Variants in MITF observed in about 807,000 individuals in gnomAD.
MITF encodes melanocyte inducing transcription factor.
MITF carries 17 observed loss-of-function variants against 60.5 expected under a neutral mutation model. The observed-to-expected ratio is 0.28, with a 90% CI of 0.19 to 0.42. The LOEUF is 0.42. MITF is among the 10% of genes least tolerant of loss of function. The probability of loss-of-function intolerance (pLI) is 1.00; values close to 1 mark genes in which losing one functional copy is unlikely to be tolerated. For synonymous variants in MITF, 260 were observed against 248.5 expected, an observed-to-expected ratio of 1.05 and a Z score of -0.43; for missense variants, 622 against 683.5, an observed-to-expected ratio of 0.91 and a Z score of 1.00.
At chr3:69,758,740 C>G (rs986502199) in intron 1 of MITF, 4 of 207,178 alleles carry the variant, frequency 1.9e-5, no homozygotes, top group Admixed American at 1.8e-4. Context: ...TGAAGTGTTT[C>G]TGGTGTGCTA....
chr3:69,743,559 G>A (rs781701303), intron 1 of MITF, among the ~76,000 whole-genome samples: 61 of 152,172 alleles, frequency 4.0e-4, no homozygotes, highest in Non-Finnish European at 7.2e-4. Context: ...TAGATTATGT[G>A]AATCTCATTT....
At position 69,761,783 on chromosome 3, in the gene MITF, C is replaced by A. The variant is rs1016893325; in HGVS notation, c.104+22082C>A. Among the ~76,000 whole-genome samples the A allele has an allele frequency of 2.0e-5, 3 of 152,218 alleles. No individual in the cohort carries two copies. The East Asian group carries it at 5.8e-4, about 29-fold the overall frequency. On this transcript the variant is annotated intron_variant, in intron 1 of 9. Coordinates refer to ENST00000352241, the MANE Select transcript of MITF (RefSeq NM_001354604.2). ...AAAGATGGGATGGTGGATACTTAAT[C>A]ATTCACAAGGGTGTGGTATATAAGT...
At position 69,966,350 on chromosome 3, in the gene MITF, C is replaced by A. The variant is rs571144810; in HGVS notation, c.*1102C>A. ...GTCTTGCATTTAAAAGACAGCTTTG[C>A]GAATATTTTGTAAATTACAGTCTCA... is the stretch of plus-strand genomic sequence containing the variant. On this transcript the variant is annotated 3_prime_UTR_variant, in exon 10 of 10. Coordinates refer to ENST00000352241, the MANE Select transcript of MITF (RefSeq NM_001354604.2). The A allele has an allele frequency of 2.1e-5, 5 of 232,676 alleles. No homozygotes were observed. The highest frequency in any genetic ancestry group is 4.3e-5 in the Non-Finnish European group (5 of 117,630). The allele number at this position is 232,676 out of a possible 1,614,324, so 14.4% of individuals were successfully genotyped here. A position where few individuals can be genotyped will look rare whatever the true frequency, so the allele number is the denominator to read the frequency against.
chr3:69,779,502 A>G (rs747641863), intron 1 of MITF, among the ~76,000 whole-genome samples: 2 of 152,158 alleles, frequency 1.3e-5, no homozygotes, highest in Non-Finnish European at 2.9e-5. Flanking sequence ...GGCTTATCAC[A>G]CACATGTAGT....
intron 1 of MITF, among the ~76,000 whole-genome samples, chr3:69,843,262 C>CG (rs2063672395): frequency 4.2e-3 from 1 of 240 alleles, no homozygotes; most frequent in Non-Finnish European, 8.9e-3. Flanking sequence ...TTTGAGAAAT[C>CG]ATTTCCAAAG....
At chr3:69,952,309 A>G (rs2066276515) in intron 7 of MITF, among the ~76,000 whole-genome samples, 1 of 152,204 alleles carries the variant, frequency 6.6e-6, no homozygotes, top group African/African-American at 2.4e-5. Flanking sequence ...GAAGGGGAGT[A>G]AATGGATGAG....
At chr3:69,938,425 G>T (rs1443363400) in intron 3 of MITF, 19 of 1,533,326 alleles carry the variant, frequency 1.2e-5, no homozygotes, top group Non-Finnish European at 1.6e-5. Flanking sequence ...GAAGAGGTGT[G>T]GGACATGCTG....
At chr3:69,844,124 T>A (rs1288962379) in intron 1 of MITF, among the ~76,000 whole-genome samples, 1 of 152,244 alleles carries the variant, frequency 6.6e-6, no homozygotes, top group Non-Finnish European at 1.5e-5. Context: ...GTGCTACATT[T>A]TCTTTATCCA....
intron 1 of MITF, among the ~76,000 whole-genome samples, chr3:69,838,401 C>T (rs906981659): frequency 1.3e-5 from 2 of 150,586 alleles, no homozygotes; most frequent in African/African-American, 4.9e-5. Flanking sequence ...GTAAATGAAA[C>T]AACTGTTATT....
At chr3:69,758,648 G>A (rs2062166766) in intron 1 of MITF, 1 of 198,544 alleles carries the variant, frequency 5.0e-6, no homozygotes, top group Non-Finnish European at 1.0e-5. Context: ...CAGGGAATTT[G>A]TTAGTTCACT....
At chr3:69,779,878 A>G (rs888829218) in intron 1 of MITF, among the ~76,000 whole-genome samples, 1 of 152,130 alleles carries the variant, frequency 6.6e-6, no homozygotes, top group African/African-American at 2.4e-5. Flanking sequence ...TGATATGCTG[A>G]AGTCTGTGTT....
intron 2 of MITF, among the ~76,000 whole-genome samples, chr3:69,911,723 C>T (rs1350862360): frequency 6.6e-6 from 1 of 152,202 alleles, no homozygotes. Context: ...TACACAGATA[C>T]AAATAGTATT....
intron 1 of MITF, among the ~76,000 whole-genome samples, chr3:69,852,932 G>A (rs1559674977): frequency 6.6e-6 from 1 of 152,074 alleles, no homozygotes; most frequent in East Asian, 1.9e-4. Flanking sequence ...AAGCAAGAGT[G>A]TACAGCTAGA....
chr3:69,823,298 G>A (rs929493757), intron 1 of MITF, among the ~76,000 whole-genome samples: 8 of 152,194 alleles, frequency 5.3e-5, no homozygotes, highest in African/African-American at 1.9e-4. Flanking sequence ...CTGCTATCAT[G>A]AAATACCATA....
Position 69,739,531 on chromosome 3 carries a change from C to A in MITF, c.-67C>A. The A allele has an allele frequency of 7.0e-7, 1 of 1,422,608 alleles. No individual in the cohort carries two copies. The highest frequency in any genetic ancestry group is 9.7e-7 in the Non-Finnish European group (1 of 1,030,060). The allele number at this position is 1,422,608 out of a possible 1,614,324, so 88.1% of individuals were successfully genotyped here. On this transcript the variant is annotated 5_prime_UTR_variant, in exon 1 of 10. Coordinates refer to ENST00000352241, the MANE Select transcript of MITF (RefSeq NM_001354604.2). ...CACGGCTCGGGGGACCCAGGCCCAG[C>A]TACCTTCCCTCCGCCCCCGGGCTCT...
chr3:69,765,166 A>G (rs2062270803), intron 1 of MITF, among the ~76,000 whole-genome samples: 1 of 152,200 alleles, frequency 6.6e-6, no homozygotes, highest in Non-Finnish European at 1.5e-5. Flanking sequence ...TATTTTGTGT[A>G]TTTAGAAAAG....
chr3:69,823,798 G>T (rs2063313587), intron 1 of MITF, among the ~76,000 whole-genome samples: 1 of 152,074 alleles, frequency 6.6e-6, no homozygotes, highest in Non-Finnish European at 1.5e-5. Context: ...AGAATTCTTT[G>T]TGATACTACC....
intron 1 of MITF, among the ~76,000 whole-genome samples, chr3:69,870,242 CAG>C (rs2064199816): frequency 6.8e-6 from 1 of 147,986 alleles, no homozygotes; most frequent in Admixed American, 6.7e-5. Context: ...CTGCACAAAT[CAG>C]AGTTGGTAAA....
chr3:69,839,067 A>G (rs2107131715), intron 1 of MITF, among the ~76,000 whole-genome samples: 1 of 152,326 alleles, frequency 6.6e-6, no homozygotes, highest in South Asian at 2.1e-4. Context: ...ACATGGAATA[A>G]TGGTTTCAAC....
Sources: allele counts gnomAD v4.1 joint callset (sites outside exome capture counted in the v4.1 genomes callset), GRCh38; gene constraint gnomAD v4.1.1; transcripts MANE v1.5; gene names NCBI Gene and HGNC (gene_info 2026-07-23, HGNC 2026-07-21).